ABCB5: variants seen among roughly 807,000 people sequenced by gnomAD.
ABCB5 encodes ATP-binding cassette sub-family B member 5.
In ABCB5, 155 loss-of-function variants were observed where a neutral mutation model predicts 144.2. That is an observed-to-expected ratio of 1.08 (90% CI 0.94 to 1.23). ABCB5 has a LOEUF of 1.23. ABCB5 is among the 50% of genes most tolerant of loss of function. The pLI, the probability that ABCB5 is intolerant of heterozygous loss-of-function variation, is 0.00. For missense variants in ABCB5, 1,830 were observed against 1,520.8 expected (o/e 1.20, Z -3.38); for synonymous variants, 610 against 528.6 (o/e 1.15, Z -2.11).
intron 17 of ABCB5, among the ~76,000 whole-genome samples, chr7:20,699,588 C>A (rs1786542198): frequency 6.6e-6 from 1 of 152,038 alleles, no homozygotes; most frequent in African/African-American, 2.4e-5. Flanking sequence ...GTAATCCCAG[C>A]TACTCGGGAG....
intron 16 of ABCB5, among the ~76,000 whole-genome samples, chr7:20,693,918 C>T (rs1202673748): frequency 1.3e-5 from 2 of 151,430 alleles, no homozygotes; most frequent in Non-Finnish European, 2.9e-5. Context: ...AGCAAATTCC[C>T]TAAAGTTTAC....
chr7:20,689,943 G>A (rs1786157481), intron 16 of ABCB5, among the ~76,000 whole-genome samples: 1 of 152,188 alleles, frequency 6.6e-6, no homozygotes, highest in African/African-American at 2.4e-5. Context: ...CTAACGACAG[G>A]GGTAGGCAGA....
Position 20,698,392 on chromosome 7 carries a change from ATATTT to A in ABCB5, c.2011-8_2011-4del, listed in dbSNP as rs776062537. Reference sequence around the variant, plus strand: ...ACACAAACTGGCATTTTTAACCAACATATTTTATTTTTAGATAAGTCTTCCTGAAG... The same window carrying A: ...ACACAAACTGGCATTTTTAACCAACATATTTTTAGATAAGTCTTCCTGAAG... On this transcript the variant is annotated splice_polypyrimidine_tract_variant and intron_variant, in intron 16 of 27. Transcript: ENST00000404938. 352 of 1,555,630 alleles carry A rather than the reference ATATTT, an allele frequency of 2.3e-4. No individual in the cohort carries two copies. Among genetic ancestry groups the A allele is most frequent in the Non-Finnish European group, 2.9e-4 (341 of 1,157,118 alleles).
chr7:20,623,157 T>G (rs934256494), intron 1 of ABCB5, 108 bp from the exon 2 acceptor site: 1 of 701,504 alleles, frequency 1.4e-6, no homozygotes, highest in Non-Finnish European at 2.4e-6. Flanking sequence ...AATTCTGAGA[T>G]GCTTCCTTTT....
intron 1 of ABCB5, among the ~76,000 whole-genome samples, chr7:20,618,764 CTTT>C (rs59970398): frequency 5.8e-5 from 3 of 51,544 alleles, no homozygotes; most frequent in African/African-American, 2.3e-4. Flanking sequence ...GCTGCATTTT[CTTT>C]TTTTTTTTTT....
intron 14 of ABCB5, among the ~76,000 whole-genome samples, chr7:20,663,917 T>C (rs761739848): frequency 3.3e-5 from 5 of 152,034 alleles, no homozygotes; most frequent in Non-Finnish European, 5.9e-5. Context: ...GGTTTCACCA[T>C]GTTGGTCAGG....
In ABCB5 at chr7:20,686,230, T is replaced by C. The variant is rs559011920; in HGVS notation, c.2010+394T>C. 3.3e-5 allele frequency among the ~76,000 whole-genome samples: 5 copies of C among 152,252 alleles called. No individual in the cohort carries two copies. The South Asian group carries it at 1.0e-3, about 32-fold the overall frequency. Reference sequence around the variant, plus strand: ...CCGGAATGCAGATAGGCCCAGCACATACACCACCCAGGCTTGCAGTCCCAG... The same window carrying C: ...CCGGAATGCAGATAGGCCCAGCACACACACCACCCAGGCTTGCAGTCCCAG... On this transcript the variant is annotated intron_variant, in intron 16 of 27. Coordinates refer to ENST00000404938, the MANE Select transcript of ABCB5 (RefSeq NM_001163941.2).
Position 20,633,764 on chromosome 7 carries a change from C to A in ABCB5, c.314+1651C>A, listed in dbSNP as rs75095827. ...TAGCATTAACAAATATCTCCTTATC[C>A]CTTCCTTCTCTCTACCTTTCCCAGT... On this transcript the variant is annotated intron_variant, in intron 5 of 27. Transcript: ENST00000404938. 4.1e-3 allele frequency among the ~76,000 whole-genome samples: 626 copies of A among 152,146 alleles called. 4 individuals are homozygous for A. Among genetic ancestry groups the A allele is most frequent in the African/African-American group, 0.015 (603 of 41,530 alleles).
chr7:20,653,644 A>G (rs541205714), intron 13 of ABCB5, among the ~76,000 whole-genome samples: 6 of 152,308 alleles, frequency 3.9e-5, no homozygotes, highest in Non-Finnish European at 5.9e-5. Flanking sequence ...GGGAACACTG[A>G]GCTGAAAGGC....
At chr7:20,686,372 A>T (rs1785999989) in intron 16 of ABCB5, among the ~76,000 whole-genome samples, 1 of 151,382 alleles carries the variant, frequency 6.6e-6, no homozygotes, top group African/African-American at 2.4e-5. Flanking sequence ...ACCTGCTTTG[A>T]CTCTCCTTCT....
intron 24 of ABCB5, among the ~76,000 whole-genome samples, chr7:20,739,653 T>C (rs1009421599): frequency 3.3e-5 from 5 of 152,180 alleles, no homozygotes; most frequent in African/African-American, 1.2e-4. Flanking sequence ...TTGATTCTTA[T>C]ACTGAATTCT....
At chr7:20,666,946 G>T in intron 14 of ABCB5, 1 of 1,149,102 alleles carries the variant, frequency 8.7e-7, no homozygotes, top group Non-Finnish European at 1.1e-6. Flanking sequence ...TCTCTTCTGT[G>T]TTTTAAGTCT....
At chr7:20,754,112 T>C (rs1562595057) in intron 27 of ABCB5, among the ~76,000 whole-genome samples, 1 of 152,256 alleles carries the variant, frequency 6.6e-6, no homozygotes, top group Non-Finnish European at 1.5e-5. Flanking sequence ...TTAATATTTG[T>C]AGAGTATGCA....
At chr7:20,627,923 A>G (rs1039823972) in intron 3 of ABCB5, among the ~76,000 whole-genome samples, 1 of 152,092 alleles carries the variant, frequency 6.6e-6, no homozygotes, top group Non-Finnish European at 1.5e-5. Context: ...AAATCAACCA[A>G]ATGGAATAAA....
chr7:20,656,142 C>T (rs1287320135), intron 13 of ABCB5, among the ~76,000 whole-genome samples: 1 of 152,138 alleles, frequency 6.6e-6, no homozygotes, highest in East Asian at 1.9e-4. Context: ...ATTAATTTGC[C>T]ATAGACCTTG....
At chr7:20,755,094 T>C (rs1225932347) in intron 27 of ABCB5, among the ~76,000 whole-genome samples, 1 of 152,128 alleles carries the variant, frequency 6.6e-6, no homozygotes, top group Admixed American at 6.6e-5. Flanking sequence ...GGATTACAGA[T>C]GCCTGCCACC....
rs1782691648 is a variant in ABCB5, at chr7:20,745,499, G to A, written c.3429+61G>A. ...GCCAAGTAAGGCTAAGTAGCTACTG[G>A]GCCTATGCAGTTGTTTTTATGTATT... On this transcript the variant is annotated intron_variant, in intron 26 of 27. Coordinates refer to ENST00000404938, the MANE Select transcript of ABCB5 (RefSeq NM_001163941.2). The A allele has an allele frequency of 9.7e-6, 14 of 1,449,944 alleles. No homozygotes were observed. The Admixed American group carries it at 2.2e-4, about 22-fold the overall frequency. The allele number at this position is 1,449,944 out of a possible 1,614,324, so 89.8% of individuals were successfully genotyped here. A position where few individuals can be genotyped will look rare whatever the true frequency, so the allele number is the denominator to read the frequency against.
intron 20 of ABCB5, among the ~76,000 whole-genome samples, chr7:20,719,942 TACAC>T (rs10533720): frequency 0.56 from 82,855 of 148,668 alleles, 22,784 homozygotes; most frequent in East Asian, 0.81. Flanking sequence ...TACCTATCAA[TACAC>T]ACACACACAC....
At position 20,708,368 on chromosome 7, in the gene ABCB5, G is replaced by GA. The variant is rs1263950451; in HGVS notation, c.2421+3561_2421+3562insA. On this transcript the variant is annotated intron_variant, in intron 20 of 27. Transcript: ENST00000404938. ...AAAAAAAGTTTTCAAGCAAGGTGCAGTGGCTCACATCAGTAATCCCAGTAA... is the reference window on the plus strand; with the variant it reads ...AAAAAAAGTTTTCAAGCAAGGTGCAGATGGCTCACATCAGTAATCCCAGTAA... 4.5e-4 allele frequency among the ~76,000 whole-genome samples: 68 copies of GA among 152,274 alleles called. 1 individual carries two copies. Among genetic ancestry groups the GA allele is most frequent in the African/African-American group, 1.6e-3 (66 of 41,570 alleles).
Sources: allele counts gnomAD v4.1 joint callset (sites outside exome capture counted in the v4.1 genomes callset), GRCh38; gene constraint gnomAD v4.1.1; transcripts MANE v1.5; gene names NCBI Gene and HGNC (gene_info 2026-07-23, HGNC 2026-07-21).